The following WAPL variants were observed in gnomAD, a reference collection of about 807,000 sequenced individuals.
The protein encoded by WAPL is WAPL cohesin release factor.
Under a neutral mutation model 121.0 loss-of-function variants are expected in WAPL, and 5 were observed. The ratio of observed to expected loss-of-function variants is 0.04; its 90% CI spans 0.02 to 0.09. The LOEUF (loss-of-function observed/expected upper bound fraction) is 0.09, where lower values mean the gene tolerates loss of function less well. Ranked by LOEUF, WAPL falls within the 10% of genes least tolerant of loss-of-function variation. The pLI, the probability that WAPL is intolerant of heterozygous loss-of-function variation, is 1.00. For missense variants in WAPL, 999 were observed against 1,410.8 expected (o/e 0.71, Z 4.68); for synonymous variants, 480 against 481.5 (o/e 1.00, Z 0.04).
In WAPL at chr10:86,453,834, T is replaced by TAAAAGGAAATAAAATATAGA; in HGVS notation, c.2658-23_2658-4dup. On this transcript the variant is annotated splice_region_variant and splice_polypyrimidine_tract_variant and intron_variant, in intron 12 of 18. Transcript: ENST00000298767. Reference sequence around the variant, plus strand: ...GTTCTTCACAATGCTGTAATGCTCTTAAAAGGAAATAAAATATAGACTATT... The same window carrying TAAAAGGAAATAAAATATAGA: ...GTTCTTCACAATGCTGTAATGCTCTTAAAAGGAAATAAAATATAGAAAAAGGAAATAAAATATAGACTATT... The TAAAAGGAAATAAAATATAGA allele has an allele frequency of 6.3e-7, 1 of 1,587,778 alleles. No individual in the cohort carries two copies. The highest frequency in any genetic ancestry group is 8.6e-7 in the Non-Finnish European group (1 of 1,168,772).
rs539768653 is a variant in WAPL, at chr10:86,472,893, C to G, written c.1741-129G>C. 1,404 of 932,980 alleles carry G rather than the reference C, an allele frequency of 1.5e-3. 4 individuals carry two copies. The highest frequency in any genetic ancestry group is 1.9e-3 in the Non-Finnish European group (1,252 of 656,636). The allele number at this position is 932,980 out of a possible 1,614,324, so 57.8% of individuals were successfully genotyped here. ...TTTTAAAAAGCAGGGAGCAGGGAGG[C>G]CTCTCAAAGGTCTTTAGAAATACTT... On this transcript the variant is annotated intron_variant, in intron 5 of 18. Transcript: ENST00000298767. This position sits in a 1 kb window ranked among gnomAD's most constrained non-coding sequence, Gnocchi z 4.2.
At chr10:86,461,040 G>T in intron 10 of WAPL, 136 bp downstream of exon 10, 1 of 721,840 alleles carries the variant, frequency 1.4e-6, no homozygotes, top group Non-Finnish European at 2.1e-6. Flanking sequence ...TTAGAAATTT[G>T]CAGGATGCAA....
At position 86,521,370 on chromosome 10, in the gene WAPL, G is replaced by A. The variant is rs1199333993; in HGVS notation, c.-28C>T. 2 of 281,772 alleles carry A rather than the reference G, an allele frequency of 7.1e-6. No homozygotes were observed. The highest frequency in any genetic ancestry group is 1.2e-4 in the Admixed American group (2 of 16,238). 17.5% of individuals were successfully genotyped at this position (281,772 alleles called of 1,614,324 possible). Reference sequence around the variant, plus strand: ...CCGCCCGACACCTCACTTACCCTCGGAGCCTGGCGGGTGCTTTGGCCACGG... The same window carrying A: ...CCGCCCGACACCTCACTTACCCTCGAAGCCTGGCGGGTGCTTTGGCCACGG... On this transcript the variant is annotated 5_prime_UTR_variant, in exon 1 of 19. Coordinates refer to ENST00000298767, the MANE Select transcript of WAPL (RefSeq NM_015045.5).
At chr10:86,504,771 G>A (rs1008890846) in intron 2 of WAPL, among the ~76,000 whole-genome samples, 30 of 152,104 alleles carry the variant, frequency 2.0e-4, no homozygotes, top group African/African-American at 7.0e-4. Context: ...GATCACACCT[G>A]TGTGAGTAGC....
At position 86,453,297 on chromosome 10, in the gene WAPL, T is replaced by C; in HGVS notation, c.2872A>G (p.Ile958Val). The C allele has an allele frequency of 6.2e-7, 1 of 1,614,176 alleles. No individual in the cohort carries two copies. ...AGCACACAGTTCAGCGCTGTGCCTA[T>C]GAGACCGTCCTGCTCTCCTGTTTTG... ...STKTGEQDGLIGTALNCVLQV... is the reference protein window; with the variant it reads ...STKTGEQDGLVGTALNCVLQV... The change falls in exon 14 of 19, where the codon ATA (isoleucine) becomes GTA (valine). Residue 958 changes from isoleucine to valine, a missense_variant. By Grantham distance (29) the Ile-to-Val change is conservative (BLOSUM62 3). Coordinates refer to ENST00000298767, the MANE Select transcript of WAPL (RefSeq NM_015045.5).
intron 4 of WAPL, among the ~76,000 whole-genome samples, chr10:86,486,025 A>G (rs1841923943): frequency 6.6e-6 from 1 of 152,226 alleles, no homozygotes; most frequent in South Asian, 2.1e-4. Context: ...GGCAGCAGCT[A>G]TTAACTTCCA....
intron 7 of WAPL, among the ~76,000 whole-genome samples, chr10:86,471,762 A>G (rs1016404222): frequency 6.6e-6 from 1 of 152,046 alleles, no homozygotes; most frequent in Non-Finnish European, 1.5e-5. Flanking sequence ...CAGCCTCCCA[A>G]GTAGCTGGAA....
intron 16 of WAPL, 59 bp downstream of exon 16, chr10:86,446,183 A>G (rs537211837): frequency 1.1e-5 from 17 of 1,589,784 alleles, no homozygotes; most frequent in Non-Finnish European, 1.5e-5. Context: ...TAGTTTGAAG[A>G]AAAAAACAAA....
Position 86,446,291 on chromosome 10 carries a change from T to C in WAPL, c.3273A>G (p.Glu1091=). ...CCTCCTCCTCCTTCTTATGTTTCTCTTCTGTACCATCAGTCTTTTCAGTTG... is the reference window on the plus strand; with the variant it reads ...CCTCCTCCTCCTTCTTATGTTTCTCCTCTGTACCATCAGTCTTTTCAGTTG... ...WVSTEKTDGT[E]EKHKKEEEDE... is the part of the protein sequence containing the mutation. The change falls in exon 16 of 19, where the codon GAA becomes GAG. Residue 1091 remains glutamate (E), a synonymous_variant. Coordinates refer to ENST00000298767, the MANE Select transcript of WAPL (RefSeq NM_015045.5). 1 of 1,614,208 alleles carries C rather than the reference T, an allele frequency of 6.2e-7. No homozygotes were observed. The highest frequency in any genetic ancestry group is 1.1e-5 in the South Asian group (1 of 91,090).
Position 86,517,747 on chromosome 10 carries a change from T to G in WAPL, c.323A>C (p.Glu108Ala), listed in dbSNP as rs1460939071. Residue 108 changes from glutamate to alanine, a missense_variant, in exon 2 of 19, where the codon GAG becomes GCG. By Grantham distance (107) the Glu-to-Ala change is moderately radical (BLOSUM62 -1). Around this residue, in one of 7 missense-constraint regions of WAPL, gnomAD observed 531 missense variants for 563.1 expected, o/e 0.94. Transcript: ENST00000298767. ...SESSEAAQLE[E>A]VTSVLEANSK... ...ATTAGCTTCAAGTACTGAAGTGACC[T>G]CTTCCAACTGAGCAGCTTCACTAGA... is the stretch of plus-strand genomic sequence containing the variant. 4 of 1,614,078 alleles carry G rather than the reference T, an allele frequency of 2.5e-6. No homozygotes were observed. The highest frequency in any genetic ancestry group is 3.4e-6 in the Non-Finnish European group (4 of 1,180,036).
chr10:86,480,514 C>T (rs891954702), intron 4 of WAPL, among the ~76,000 whole-genome samples: 3 of 151,976 alleles, frequency 2.0e-5, no homozygotes, highest in African/African-American at 7.3e-5. Context: ...AGAGCCATGA[C>T]CAAAATCAGC....
chr10:86,496,356 G>A (rs989373359), intron 4 of WAPL, among the ~76,000 whole-genome samples: 25 of 152,224 alleles, frequency 1.6e-4, no homozygotes, highest in African/African-American at 5.5e-4. Context: ...GTAAAATGGT[G>A]CAGACAACCA....
At chr10:86,510,015 C>T (rs1370162394) in intron 2 of WAPL, among the ~76,000 whole-genome samples, 3 of 144,982 alleles carry the variant, frequency 2.1e-5, no homozygotes, top group African/African-American at 7.8e-5. Flanking sequence ...CCGCCCGCCT[C>T]GGCCTTCCAA....
chr10:86,457,756 C>T (rs983398418), intron 12 of WAPL, among the ~76,000 whole-genome samples: 2 of 152,006 alleles, frequency 1.3e-5, no homozygotes, highest in Admixed American at 1.3e-4. Context: ...TCTACTGAGA[C>T]TAGAAATTTG....
chr10:86,496,426 T>C (rs1304161290), intron 4 of WAPL, among the ~76,000 whole-genome samples: 2 of 151,798 alleles, frequency 1.3e-5, no homozygotes, highest in South Asian at 2.1e-4. Flanking sequence ...ACCCAGGAAA[T>C]CCACTCCTAG....
At chr10:86,481,560 A>G (rs1841787664) in intron 4 of WAPL, among the ~76,000 whole-genome samples, 4 of 151,912 alleles carry the variant, frequency 2.6e-5, no homozygotes, top group Admixed American at 2.6e-4. Context: ...TTTAGTAGAG[A>G]CGGGGTTTAT....
intron 4 of WAPL, among the ~76,000 whole-genome samples, chr10:86,481,860 AAAGT>A (rs964414808): frequency 1.3e-5 from 2 of 152,114 alleles, no homozygotes; most frequent in African/African-American, 4.8e-5. Context: ...TAAAAAAAAA[AAAGT>A]AAGAATGGAA....
At chr10:86,513,249 C>T (rs762864331) in intron 2 of WAPL, among the ~76,000 whole-genome samples, 19 of 151,662 alleles carry the variant, frequency 1.3e-4, no homozygotes, top group Admixed American at 2.6e-4. Context: ...TCACCCGCCT[C>T]GGCCTCCCAA....
At chr10:86,512,851 G>GTT (rs34162732) in intron 2 of WAPL, among the ~76,000 whole-genome samples, 13 of 151,244 alleles carry the variant, frequency 8.6e-5, no homozygotes, top group African/African-American at 2.4e-4. Flanking sequence ...AGTACATGAG[G>GTT]TTTTTTTTTA....
Sources: gnomAD v4.1 joint callset for allele counts (sites outside exome capture counted in the v4.1 genomes callset) on GRCh38, gnomAD v4.1.1 for gene constraint, gnomAD v4.1.1 regional missense constraint, Gnocchi (gnomAD v3.1) non-coding constraint, MANE v1.5 for transcripts, NCBI Gene and HGNC (gene_info 2026-07-23, HGNC 2026-07-21) for gene names.